CSMD1: variants seen among roughly 807,000 people sequenced by gnomAD.
The protein encoded by CSMD1 is CUB and Sushi multiple domains 1.
Under a neutral mutation model 417.5 loss-of-function variants are expected in CSMD1, and 213 were observed. That is an observed-to-expected ratio of 0.51 (90% CI 0.46 to 0.57). The LOEUF (loss-of-function observed/expected upper bound fraction) is 0.57, where lower values mean the gene tolerates loss of function less well. Among genes scored for constraint, CSMD1 ranks in the 20% least tolerant of loss-of-function variants. The probability of loss-of-function intolerance (pLI) is 0.00; values close to 1 mark genes in which losing one functional copy is unlikely to be tolerated. For synonymous variants in CSMD1, 2,862 were observed against 1,736.8 expected (o/e 1.65, Z -16.11); for missense variants, 6,923 against 4,529.7 (o/e 1.53, Z -15.17).
chr8:3,813,703 T>C (rs766579237), intron 5 of CSMD1, among the ~76,000 whole-genome samples: 10 of 152,176 alleles, frequency 6.6e-5, no homozygotes, highest in Non-Finnish European at 1.5e-4. Context: ...TATTCAACTA[T>C]TCACTCCTCC....
intron 1 of CSMD1, among the ~76,000 whole-genome samples, chr8:4,663,575 A>C (rs1385819486): frequency 6.6e-6 from 1 of 152,044 alleles, no homozygotes; most frequent in East Asian, 1.9e-4. Context: ...AGTGCATGAC[A>C]ACTCTCCCTT....
intron 5 of CSMD1, among the ~76,000 whole-genome samples, chr8:3,797,320 T>G (rs1319406435): frequency 6.6e-6 from 1 of 151,942 alleles, no homozygotes; most frequent in Admixed American, 6.6e-5. Flanking sequence ...GTTATATAAT[T>G]CAATGATTGT....
chr8:4,961,822 CTTG>C (rs915153179), intron 1 of CSMD1, among the ~76,000 whole-genome samples: 115 of 152,064 alleles, frequency 7.6e-4, no homozygotes, highest in African/African-American at 2.7e-3. Context: ...AATCTACTTT[CTTG>C]TTATTTCCTG....
chr8:3,332,311 C>T (rs1806957018), intron 23 of CSMD1, among the ~76,000 whole-genome samples: 1 of 152,224 alleles, frequency 6.6e-6, no homozygotes, highest in African/African-American at 2.4e-5. Flanking sequence ...CTCTTGTAAG[C>T]TTTTCCTAGC....
chr8:3,894,192 G>C (rs907792412), intron 5 of CSMD1, among the ~76,000 whole-genome samples: 2 of 152,110 alleles, frequency 1.3e-5, no homozygotes, highest in East Asian at 3.9e-4. Context: ...TCTTTTGTTT[G>C]AATTGTTCTA....
At chr8:4,497,089 G>A (rs1232246966) in intron 2 of CSMD1, among the ~76,000 whole-genome samples, 1 of 152,112 alleles carries the variant, frequency 6.6e-6, no homozygotes, top group Non-Finnish European at 1.5e-5. Context: ...AGACGCCATC[G>A]ACATTTCAGC....
intron 29 of CSMD1, among the ~76,000 whole-genome samples, chr8:3,215,060 T>A (rs1223959603): frequency 6.6e-6 from 1 of 152,204 alleles, no homozygotes; most frequent in African/African-American, 2.4e-5. Context: ...AAATTGAGGT[T>A]CATTTTCTAA....
At chr8:4,458,450 G>A (rs1799618197) in intron 2 of CSMD1, among the ~76,000 whole-genome samples, 1 of 152,124 alleles carries the variant, frequency 6.6e-6, no homozygotes, top group Non-Finnish European at 1.5e-5. Context: ...ACAGTCTGAA[G>A]TTAAAGTTAT....
At chr8:4,369,314 T>C in intron 3 of CSMD1, among the ~76,000 whole-genome samples, 1 of 152,194 alleles carries the variant, frequency 6.6e-6, no homozygotes, top group East Asian at 1.9e-4. Flanking sequence ...GTGGTTGTTA[T>C]GAATTGAATT....
chr8:4,040,508 G>A (rs972928414), intron 3 of CSMD1, among the ~76,000 whole-genome samples: 1 of 152,196 alleles, frequency 6.6e-6, no homozygotes, highest in Non-Finnish European at 1.5e-5. Context: ...TCTTTCATAT[G>A]AAAATGTGGC....
rs1800639981 is a variant in CSMD1 at position 3,587,147 on chromosome 8, C to A, written c.1098-887G>T. ...ATCCAGCCTGGATTTAGAGAAAAAACTGCCCTGGCTCCAGAGCTGCATTTG... is the reference window on the plus strand; with the variant it reads ...ATCCAGCCTGGATTTAGAGAAAAAAATGCCCTGGCTCCAGAGCTGCATTTG... On this transcript the variant is annotated intron_variant, in intron 8 of 69. Transcript: ENST00000635120. Among the ~76,000 whole-genome samples, 3 of 152,208 alleles carry A rather than the reference C, an allele frequency of 2.0e-5. No individual in the cohort carries two copies. In the South Asian group the frequency reaches 6.2e-4, roughly 32 times the overall value.
At chr8:4,205,370 G>A (rs372393876) in intron 3 of CSMD1, among the ~76,000 whole-genome samples, 153 of 152,326 alleles carry the variant, frequency 1.0e-3, no homozygotes, top group African/African-American at 3.5e-3. Flanking sequence ...AAGGGAAAAA[G>A]TGTGAACAAT....
At chr8:3,040,757 C>G (rs910186473) in intron 50 of CSMD1, among the ~76,000 whole-genome samples, 1 of 152,044 alleles carries the variant, frequency 6.6e-6, no homozygotes, top group African/African-American at 2.4e-5. Context: ...GAGTTGAGAT[C>G]GTGCCACTGC....
intron 2 of CSMD1, among the ~76,000 whole-genome samples, chr8:4,516,144 T>G (rs1348511703): frequency 2.6e-5 from 4 of 152,034 alleles, no homozygotes; most frequent in Non-Finnish European, 4.4e-5. Context: ...AAAGAGGTCA[T>G]GCAGGGGCCC....
At chr8:4,142,783 T>C (rs1162047689) in intron 3 of CSMD1, among the ~76,000 whole-genome samples, 1 of 151,092 alleles carries the variant, frequency 6.6e-6, no homozygotes, top group Non-Finnish European at 1.5e-5. Context: ...AAAACAGGCT[T>C]CAACAAAGTC....
At position 4,178,053 on chromosome 8, in the gene CSMD1, A is replaced by G. The variant is rs1469185918; in HGVS notation, c.416-145954T>C. Among the ~76,000 whole-genome samples, 5 of 152,168 alleles carry G rather than the reference A, an allele frequency of 3.3e-5. No individual in the cohort carries two copies. In the East Asian group the frequency reaches 5.8e-4, roughly 18 times the overall value. The stretch of plus-strand genomic sequence containing the variant: ...TGAAACTATTCCAATAAATAGAAAA[A>G]GAGGGCACCCTCACTAACTCATTTT... On this transcript the variant is annotated intron_variant, in intron 3 of 69. Transcript: ENST00000635120.
intron 3 of CSMD1, among the ~76,000 whole-genome samples, chr8:4,100,444 C>T (rs994630091): frequency 6.6e-6 from 1 of 152,196 alleles, no homozygotes; most frequent in Non-Finnish European, 1.5e-5. Flanking sequence ...ATCAAATTCA[C>T]TATCCTTTTA....
intron 3 of CSMD1, among the ~76,000 whole-genome samples, chr8:4,173,343 A>T (rs1279788785): frequency 1.3e-5 from 2 of 152,166 alleles, no homozygotes; most frequent in African/African-American, 4.8e-5. Context: ...CTAACCAGAT[A>T]TTCAGTATGT....
chr8:3,147,558 A>C (rs1818918025), intron 40 of CSMD1, among the ~76,000 whole-genome samples: 1 of 152,214 alleles, frequency 6.6e-6, no homozygotes, highest in Admixed American at 6.5e-5. Context: ...GAAAGAGACC[A>C]CGGGAAGCTA....
Sources: allele counts gnomAD v4.1 joint callset (sites outside exome capture counted in the v4.1 genomes callset), GRCh38; gene constraint gnomAD v4.1.1; transcripts MANE v1.5; gene names NCBI Gene and HGNC (gene_info 2026-07-23, HGNC 2026-07-21).